The following MAPKAP1 variants were observed in gnomAD, a reference collection of about 807,000 sequenced individuals.
MAPKAP1 encodes target of rapamycin complex 2 subunit MAPKAP1.
A neutral mutation model predicts 65.7 loss-of-function variants in MAPKAP1; 20 were observed. The observed-to-expected ratio is 0.30, with a 90% CI of 0.21 to 0.44. MAPKAP1 has a LOEUF of 0.44. Ranked by LOEUF, MAPKAP1 falls within the 20% of genes least tolerant of loss-of-function variation. The probability of loss-of-function intolerance (pLI) is 1.00; values close to 1 mark genes in which losing one functional copy is unlikely to be tolerated. For missense variants in MAPKAP1, 423 were observed against 648.0 expected (o/e 0.65, Z 3.77); for synonymous variants, 222 against 244.3 (o/e 0.91, Z 0.85).
chr9:125,528,418 G>A (rs1829834230), intron 7 of MAPKAP1, among the ~76,000 whole-genome samples: 1 of 152,350 alleles, frequency 6.6e-6, no homozygotes, highest in African/African-American at 2.4e-5. Flanking sequence ...TCAAGGAGGG[G>A]TGCTGGTAGC....
chr9:125,535,102 C>T (rs777362796), intron 7 of MAPKAP1, among the ~76,000 whole-genome samples: 3 of 152,196 alleles, frequency 2.0e-5, no homozygotes, highest in Non-Finnish European at 4.4e-5. Context: ...CTGGCCTGGT[C>T]GGATCTGGCC....
rs1431308582 is a variant in MAPKAP1 at position 125,643,873 on chromosome 9, T to C, written c.498+13778A>G. 4.6e-5 allele frequency among the ~76,000 whole-genome samples: 7 copies of C among 152,216 alleles called. 1 individual carries two copies. The highest frequency in any genetic ancestry group is 8.8e-5 in the Non-Finnish European group (6 of 68,036). On this transcript the variant is annotated intron_variant, in intron 4 of 11. Coordinates refer to ENST00000265960, the MANE Select transcript of MAPKAP1 (RefSeq NM_001006617.3). ...TGCTTCCAGTTTAATCTCTCTCCAA[T>C]GTGAAAGGCAAACAATTCTATACTA...
At chr9:125,527,472 G>GT (rs1355545367) in intron 7 of MAPKAP1, among the ~76,000 whole-genome samples, 3 of 152,140 alleles carry the variant, frequency 2.0e-5, no homozygotes, top group Non-Finnish European at 2.9e-5. Flanking sequence ...ATTTGTTTAA[G>GT]TTTTTTTGTG....
At chr9:125,514,644 G>T (rs983006528) in intron 7 of MAPKAP1, among the ~76,000 whole-genome samples, 1 of 152,196 alleles carries the variant, frequency 6.6e-6, no homozygotes, top group Non-Finnish European at 1.5e-5. Flanking sequence ...AGGCTGAGAA[G>T]CTTGGCCCAG....
chr9:125,649,081 C>T (rs181226705), intron 4 of MAPKAP1, among the ~76,000 whole-genome samples: 1 of 152,280 alleles, frequency 6.6e-6, no homozygotes, highest in East Asian at 1.9e-4. Flanking sequence ...TGGCCTCATT[C>T]TTCGAGGGAG....
intron 7 of MAPKAP1, among the ~76,000 whole-genome samples, chr9:125,530,676 CCTT>C (rs946984459): frequency 6.6e-6 from 1 of 152,172 alleles, no homozygotes; most frequent in African/African-American, 2.4e-5. Context: ...CTAGTTTTCT[CCTT>C]CTTCAAAATA....
At position 125,472,359 on chromosome 9, in the gene MAPKAP1, G is replaced by C. The variant is rs146102607; in HGVS notation, c.1208-4250C>G. Among the ~76,000 whole-genome samples the C allele has an allele frequency of 3.5e-4, 53 of 152,322 alleles. No individual in the cohort carries two copies. In the East Asian group the frequency reaches 0.01, roughly 29 times the overall value. ...AATAATAAGGAGCTCTGCCCAAGCA[G>C]TCCTCCATCTCCTCTCTCAATTTTC... On this transcript the variant is annotated intron_variant, in intron 9 of 11. Transcript: ENST00000265960.
intron 4 of MAPKAP1, among the ~76,000 whole-genome samples, chr9:125,622,076 TA>T (rs1832918694): frequency 6.6e-6 from 1 of 151,996 alleles, no homozygotes; most frequent in Non-Finnish European, 1.5e-5. Context: ...TGTGGGAGCT[TA>T]AAAAAACTGG....
chr9:125,657,969 C>T (rs1834079545), intron 3 of MAPKAP1, among the ~76,000 whole-genome samples, 170 bp from the exon 4 acceptor site: 1 of 151,988 alleles, frequency 6.6e-6, no homozygotes, highest in Non-Finnish European at 1.5e-5. Flanking sequence ...AGGCAGAGCA[C>T]GGAAGAACGT....
chr9:125,690,530 A>T (rs948822220), intron 1 of MAPKAP1, among the ~76,000 whole-genome samples: 1 of 152,196 alleles, frequency 6.6e-6, no homozygotes, highest in African/African-American at 2.4e-5. Flanking sequence ...TCATCTGTAA[A>T]TGGAAGTAAG....
At chr9:125,698,295 AT>A (rs1564622368) in intron 1 of MAPKAP1, among the ~76,000 whole-genome samples, 157 of 6,576 alleles carry the variant, frequency 0.024, 2 homozygotes, top group African/African-American at 0.069. Flanking sequence ...ATAAATATAT[AT>A]ATATATATAT....
intron 4 of MAPKAP1, among the ~76,000 whole-genome samples, chr9:125,634,083 C>T (rs1191000622): frequency 6.6e-6 from 1 of 152,214 alleles, no homozygotes; most frequent in African/African-American, 2.4e-5. Context: ...ATCCATATCG[C>T]TATTTGACAC....
intron 1 of MAPKAP1, among the ~76,000 whole-genome samples, chr9:125,698,298 T>TATATATATATATATAA (rs1835473078): frequency 7.8e-5 from 1 of 12,846 alleles, no homozygotes; most frequent in Non-Finnish European, 1.7e-4. Flanking sequence ...AATATATATA[T>TATATATATATATATAA]ATATATATAT....
intron 7 of MAPKAP1, among the ~76,000 whole-genome samples, chr9:125,519,327 T>C (rs1829552208): frequency 6.6e-6 from 1 of 152,118 alleles, no homozygotes. Context: ...CTGGAGCATC[T>C]GGGGCCAGAC....
intron 7 of MAPKAP1, among the ~76,000 whole-genome samples, chr9:125,537,016 C>T (rs1209746341): frequency 2.6e-5 from 4 of 152,208 alleles, no homozygotes; most frequent in African/African-American, 4.8e-5. Context: ...GCACTTCCCT[C>T]GTGCATTTAG....
At chr9:125,517,290 G>A (rs1267830901) in intron 7 of MAPKAP1, among the ~76,000 whole-genome samples, 1 of 152,158 alleles carries the variant, frequency 6.6e-6, no homozygotes, top group Admixed American at 6.5e-5. Context: ...GGGAAGAGTA[G>A]GAAGTTGATC....
intron 7 of MAPKAP1, among the ~76,000 whole-genome samples, chr9:125,540,803 A>G (rs1297512951): frequency 1.3e-5 from 2 of 152,224 alleles, no homozygotes; most frequent in African/African-American, 2.4e-5. Context: ...AACTGTGAAC[A>G]CCAACAATTT....
At chr9:125,610,659 T>C (rs1832572658) in intron 4 of MAPKAP1, among the ~76,000 whole-genome samples, 1 of 152,212 alleles carries the variant, frequency 6.6e-6, no homozygotes, top group South Asian at 2.1e-4. Flanking sequence ...AAACTGCCTG[T>C]CTTCCCCCAA....
chr9:125,563,374 T>C (rs2131513984), intron 5 of MAPKAP1, among the ~76,000 whole-genome samples: 1 of 152,334 alleles, frequency 6.6e-6, no homozygotes, highest in Admixed American at 6.5e-5. Flanking sequence ...CTAACTCAAA[T>C]TCTTAGACCA....
Sources: gnomAD v4.1 joint callset for allele counts (sites outside exome capture counted in the v4.1 genomes callset) on GRCh38, gnomAD v4.1.1 for gene constraint, MANE v1.5 for transcripts, NCBI Gene and HGNC (gene_info 2026-07-23, HGNC 2026-07-21) for gene names.